KPNA6: variants seen among roughly 807,000 people sequenced by gnomAD.
KPNA6 encodes the protein karyopherin subunit alpha 6, also known as importin subunit alpha-7.
In KPNA6, 9 loss-of-function variants were observed where a neutral mutation model predicts 72.0. The observed-to-expected ratio is 0.13, with a 90% CI of 0.08 to 0.22. The LOEUF is 0.22. KPNA6 is among the 10% of genes least tolerant of loss of function. The pLI is 1.00. For synonymous variants in KPNA6, 219 were observed against 242.1 expected (o/e 0.90, Z 0.89); for missense variants, 374 against 655.7 (o/e 0.57, Z 4.69).
At chr1:32,116,612 C>G (rs192456900) in intron 1 of KPNA6, among the ~76,000 whole-genome samples, 1 of 151,912 alleles carries the variant, frequency 6.6e-6, no homozygotes, top group Non-Finnish European at 1.5e-5. Context: ...GAGCTGAGAT[C>G]GCACCATTAC....
chr1:32,119,087 A>G (rs1365648044), intron 1 of KPNA6, among the ~76,000 whole-genome samples: 2 of 132,506 alleles, frequency 1.5e-5, no homozygotes, highest in African/African-American at 5.7e-5. Flanking sequence ...GCTGGAGTGC[A>G]GTGGCCTATC....
chr1:32,128,387 T>TTATATACATATATA (rs1641572062), intron 1 of KPNA6, among the ~76,000 whole-genome samples: 1 of 72,168 alleles, frequency 1.4e-5, no homozygotes, highest in Non-Finnish European at 2.8e-5. Flanking sequence ...ATATATGTAT[T>TTATATACATATATA]TATATATATA....
At chr1:32,167,869 CA>C (rs943672938) in intron 12 of KPNA6, among the ~76,000 whole-genome samples, 2 of 140,858 alleles carry the variant, frequency 1.4e-5, no homozygotes, top group Non-Finnish European at 1.6e-5. Context: ...AAAAAAAAAA[CA>C]AAAAAAAACA....
At position 32,175,782 on chromosome 1, in the gene KPNA6, C is replaced by CA. The variant is rs35485312; in HGVS notation, c.*4910dup. 1,364 of 38,628 alleles carry CA rather than the reference C, an allele frequency of 0.035. 35 individuals are homozygous for CA. The highest frequency in any genetic ancestry group is 0.076 in the African/African-American group (816 of 10,778). 2.4% of individuals were successfully genotyped at this position (38,628 alleles called of 1,614,324 possible). The stretch of plus-strand genomic sequence containing the variant: ...TGGGTGACAGTGCGAGACTCCATCT[C>CA]AAAAAAAAAAAAAAAAAAAAAATCC... On this transcript the variant is annotated 3_prime_UTR_variant, in exon 14 of 14. Transcript: ENST00000373625.
intron 1 of KPNA6, among the ~76,000 whole-genome samples, chr1:32,112,839 C>T (rs1188590723): frequency 6.6e-6 from 1 of 152,024 alleles, no homozygotes. Flanking sequence ...TGAAAAATTG[C>T]CATTTGGTGA....
chr1:32,139,667 G>A (rs940351262), intron 1 of KPNA6, among the ~76,000 whole-genome samples: 8 of 152,196 alleles, frequency 5.3e-5, no homozygotes, highest in African/African-American at 1.9e-4. Flanking sequence ...AAAGGGTTGG[G>A]GGAGAGGAGG....
chr1:32,171,139 T>TA lies in KPNA6; in HGVS notation c.*246dup. The TA allele has an allele frequency of 2.0e-6, 1 of 505,812 alleles. No individual in the cohort carries two copies. The highest frequency in any genetic ancestry group is 3.5e-6 in the Non-Finnish European group (1 of 282,004). The allele number at this position is 505,812 out of a possible 1,614,324, so 31.3% of individuals were successfully genotyped here. A position where few individuals can be genotyped will look rare whatever the true frequency, so the allele number is the denominator to read the frequency against. Reference sequence around the variant, plus strand: ...GGGGACGTGTTGGGTTTTTCTTCCTTACACTATATTTTGGCTGCACACATG... The same window carrying TA: ...GGGGACGTGTTGGGTTTTTCTTCCTTAACACTATATTTTGGCTGCACACATG... On this transcript the variant is annotated 3_prime_UTR_variant, in exon 14 of 14. Transcript: ENST00000373625.
At chr1:32,166,301 T>C in intron 11 of KPNA6, 71 bp downstream of exon 11, 1 of 1,524,584 alleles carries the variant, frequency 6.6e-7, no homozygotes, top group Non-Finnish European at 8.9e-7. Flanking sequence ...AATATTTGCT[T>C]TCAGAAGAAA....
At chr1:32,144,243 G>A (rs1641892449) in intron 1 of KPNA6, among the ~76,000 whole-genome samples, 1 of 152,226 alleles carries the variant, frequency 6.6e-6, no homozygotes, top group Non-Finnish European at 1.5e-5. Flanking sequence ...AACTGGCAGT[G>A]TATACAGTGT....
At chr1:32,118,506 A>G (rs909639976) in intron 1 of KPNA6, among the ~76,000 whole-genome samples, 1 of 151,948 alleles carries the variant, frequency 6.6e-6, no homozygotes, top group African/African-American at 2.4e-5. Flanking sequence ...TCTTTAAAAT[A>G]GGTATAGGTT....
At chr1:32,118,729 T>G (rs1357395193) in intron 1 of KPNA6, among the ~76,000 whole-genome samples, 3 of 151,738 alleles carry the variant, frequency 2.0e-5, no homozygotes, top group African/African-American at 7.3e-5. Flanking sequence ...GAGTTTGAGG[T>G]TGCAGTGAGT....
chr1:32,171,236 A>C lies in KPNA6; in HGVS notation c.*342A>C, dbSNP rs571806543. 4.4e-4 allele frequency: 94 copies of C among 213,828 alleles called. No individual in the cohort carries two copies. The highest frequency in any genetic ancestry group is 7.6e-4 in the Non-Finnish European group (81 of 107,206). The allele number at this position is 213,828 out of a possible 1,614,324, so 13.2% of individuals were successfully genotyped here. On this transcript the variant is annotated 3_prime_UTR_variant, in exon 14 of 14. Coordinates refer to ENST00000373625, the MANE Select transcript of KPNA6 (RefSeq NM_012316.5). ...TCAATTTGCACCTTTTTTTATTTTT[A>C]TTTTTTTTCTTTTTTTCTTCAGTGG...
intron 1 of KPNA6, among the ~76,000 whole-genome samples, chr1:32,124,691 G>A (rs974647345): frequency 2.6e-5 from 4 of 151,498 alleles, no homozygotes; most frequent in Non-Finnish European, 5.9e-5. Context: ...TATTTTAGTA[G>A]AGACGGGGTT....
At chr1:32,157,490 C>T (rs759241172) in intron 4 of KPNA6, 45 bp downstream of exon 4, 6 of 1,370,856 alleles carry the variant, frequency 4.4e-6, no homozygotes, top group African/African-American at 2.9e-5. Context: ...ATGATTTAGC[C>T]TCTTTTCTCT....
Position 32,166,126 on chromosome 1 carries a change from C to T in KPNA6, c.1012C>T (p.Leu338=), listed in dbSNP as rs1642333741. ...QTQVILNCSA[L]PCLLHLLSSP... ...CTAGGTCATTCTTAACTGTTCAGCC[C>T]TACCTTGCCTTCTCCACTTGTTGAG... is the stretch of plus-strand genomic sequence containing the variant. The change falls in exon 11 of 14, where the codon CTA becomes TTA. Residue 338 remains leucine (L), a synonymous_variant. Transcript: ENST00000373625. 6.2e-7 allele frequency: 1 copy of T among 1,613,988 alleles called. No individual in the cohort carries two copies. Among genetic ancestry groups the T allele is most frequent in the Non-Finnish European group, 8.5e-7 (1 of 1,179,964 alleles).
rs568936849 is a variant in KPNA6, at chr1:32,166,039, A to C, written c.991-66A>C. 2.2e-3 allele frequency: 3,359 copies of C among 1,522,162 alleles called. 10 individuals carry two copies. The highest frequency in any genetic ancestry group is 4.8e-3 in the Middle Eastern group (27 of 5,664). 94.3% of individuals were successfully genotyped at this position (1,522,162 alleles called of 1,614,324 possible). On this transcript the variant is annotated intron_variant, in intron 10 of 13. Transcript: ENST00000373625. ...ACAACAACAACAACAACAACAACAAAAAAACATAAAAAAAATTAAAAACAG... is the reference window on the plus strand; with the variant it reads ...ACAACAACAACAACAACAACAACAACAAAACATAAAAAAAATTAAAAACAG...
At chr1:32,117,474 A>C (rs1641347185) in intron 1 of KPNA6, among the ~76,000 whole-genome samples, 1 of 146,616 alleles carries the variant, frequency 6.8e-6, no homozygotes, top group Non-Finnish European at 1.5e-5. Flanking sequence ...GCCCGGCCCA[A>C]TTTGTTTTTT....
chr1:32,139,584 A>G (rs1302385163), intron 1 of KPNA6, among the ~76,000 whole-genome samples: 2 of 152,212 alleles, frequency 1.3e-5, no homozygotes, highest in East Asian at 3.8e-4. Flanking sequence ...GAGTTTAATA[A>G]CACAAAACTA....
intron 1 of KPNA6, among the ~76,000 whole-genome samples, chr1:32,152,733 T>C (rs1194342255): frequency 1.3e-5 from 2 of 151,878 alleles, no homozygotes; most frequent in Non-Finnish European, 2.9e-5. Flanking sequence ...TAGTCCCAGC[T>C]ACTCGGGAGG....
Sources: allele counts gnomAD v4.1 joint callset (sites outside exome capture counted in the v4.1 genomes callset), GRCh38; gene constraint gnomAD v4.1.1; transcripts MANE v1.5; gene names NCBI Gene and HGNC (gene_info 2026-07-23, HGNC 2026-07-21).